Variants in FAM98A observed in about 807,000 individuals in gnomAD.
FAM98A encodes tRNA splicing ligase complex subunit 3A, also known as protein FAM98A.
In FAM98A, 25 loss-of-function variants were observed where a neutral mutation model predicts 62.9. The ratio of observed to expected loss-of-function variants is 0.40; its 90% CI spans 0.29 to 0.56. The LOEUF (loss-of-function observed/expected upper bound fraction) is 0.56, where lower values mean the gene tolerates loss of function less well. Ranked by LOEUF, FAM98A falls within the 20% of genes least tolerant of loss-of-function variation. The pLI is 0.51. For missense variants in FAM98A, 653 were observed against 640.7 expected (o/e 1.02, Z -0.21); for synonymous variants, 252 against 228.6 (o/e 1.10, Z -0.92).
chr2:33,586,192 A>G (rs893005871), intron 6 of FAM98A, among the ~76,000 whole-genome samples: 7 of 152,234 alleles, frequency 4.6e-5, no homozygotes, highest in African/African-American at 1.7e-4. Flanking sequence ...CCAATTGTCT[A>G]TAAATCATAC....
rs1156546734 is a variant in FAM98A at position 33,584,182 on chromosome 2, C to A, written c.*594G>T. The A allele has an allele frequency of 6.5e-6, 1 of 152,926 alleles. No individual in the cohort carries two copies. The highest frequency in any genetic ancestry group is 1.9e-4 in the East Asian group (1 of 5,196). 9.5% of individuals were successfully genotyped at this position (152,926 alleles called of 1,614,324 possible). On this transcript the variant is annotated 3_prime_UTR_variant, in exon 8 of 8. Coordinates refer to ENST00000238823, the MANE Select transcript of FAM98A (RefSeq NM_015475.5). ...GGTTTTCAGAGTTGAGCATATGATA[C>A]AGTATTCCATCAACAAAATAAGGCT...
At chr2:33,588,900 A>AT (rs71974313) in intron 3 of FAM98A, 73,800 of 150,708 alleles carry the variant, frequency 0.49, 18,486 homozygotes, top group Middle Eastern at 0.57. Context: ...ATGACAATTA[A>AT]TTTTTTTTTT....
In FAM98A at chr2:33,585,138, A is replaced by T. The variant is rs1371721016; in HGVS notation, c.1195T>A (p.Tyr399Asn). ...GGGGGYQDGG[Y>N]RDSGFQPGGY... ...CCTGGCTGGAAACCTGAATCTCGAT[A>T]ACCACCATCTTGGTAGCCACCTCCT... Residue 399 changes from tyrosine to asparagine, a missense_variant, in exon 8 of 8, where the codon TAT becomes AAT. By Grantham distance (143) the Tyr-to-Asn change is moderately radical. Transcript: ENST00000238823. The T allele has an allele frequency of 1.2e-6, 2 of 1,613,872 alleles. No individual in the cohort carries two copies. Among genetic ancestry groups the T allele is most frequent in the Non-Finnish European group, 1.7e-6 (2 of 1,179,990 alleles).
rs763004080 is a variant in FAM98A at position 33,585,024 on chromosome 2, A to G, written c.1309T>C (p.Tyr437His). The G allele has an allele frequency of 1.2e-6, 2 of 1,614,054 alleles. No homozygotes were observed. The highest frequency in any genetic ancestry group is 2.2e-5 in the East Asian group (1 of 44,870). Reference protein sequence around the residue: ...QTSSSYTGSGYQGGGYQQDNR... With the variant: ...QTSSSYTGSGHQGGGYQQDNR... ...TCCTGCTGGTAGCCACCACCCTGGT[A>G]TCCACTTCCTGTATATGAAGAAGAT... Residue 437 changes from tyrosine to histidine, a missense_variant, in exon 8 of 8, where the codon TAC becomes CAC. Tyr to His is a moderately conservative substitution (Grantham distance 83, BLOSUM62 2). Transcript: ENST00000238823.
At chr2:33,597,004 C>A in intron 1 of FAM98A, among the ~76,000 whole-genome samples, 1 of 150,304 alleles carries the variant, frequency 6.7e-6, no homozygotes, top group Admixed American at 6.6e-5. Context: ...GTATATGCAA[C>A]AAAATGAAAA....
chr2:33,592,526 T>C (rs913545163), intron 2 of FAM98A, among the ~76,000 whole-genome samples: 1 of 152,148 alleles, frequency 6.6e-6, no homozygotes, highest in African/African-American at 2.4e-5. Flanking sequence ...CTACCATGCC[T>C]GGCTAATATT....
In FAM98A at chr2:33,599,201, C is replaced by G. The variant is rs1295519041; in HGVS notation, c.21G>C (p.Glu7Asp). ...CTTCCAACGACTCCAAGATGTCAGT[C>G]TCCATGAGGTCACACTCCATGCTAC... The part of the protein sequence containing the change: MECDLM[E>D]TDILESLEDL... The change falls in exon 1 of 8, where the codon GAG becomes GAC. Residue 7 changes from glutamate (E) to aspartate (D), a missense_variant. Transcript: ENST00000238823. 1 of 1,614,070 alleles carries G rather than the reference C, an allele frequency of 6.2e-7. No individual in the cohort carries two copies. The highest frequency in any genetic ancestry group is 2.2e-5 in the East Asian group (1 of 44,872).
intron 4 of FAM98A, 166 bp from the exon 5 acceptor site, chr2:33,587,486 C>G: frequency 4.9e-6 from 3 of 612,722 alleles, no homozygotes; most frequent in East Asian, 2.8e-5. Context: ...AAGACACTCA[C>G]TGGTCCCACT....
rs2151145434 is a variant in FAM98A at position 33,591,673 on chromosome 2, T to C, written c.337+407A>G. 1.3e-5 allele frequency among the ~76,000 whole-genome samples: 2 copies of C among 152,322 alleles called. 1 individual carries two copies. The highest frequency in any genetic ancestry group is 2.9e-5 in the Non-Finnish European group (2 of 68,022). ...CATTAACTGTATCTACTATTATAAA[T>C]GCTTACTCTCCTCAAAGAAATGAAT... On this transcript the variant is annotated intron_variant, in intron 3 of 7. Transcript: ENST00000238823.
chr2:33,593,201 C>T (rs567109869), intron 2 of FAM98A, among the ~76,000 whole-genome samples: 47 of 152,194 alleles, frequency 3.1e-4, no homozygotes, highest in African/African-American at 1.1e-3. Context: ...TTCAGGAGTT[C>T]GAGACCAGCC....
intron 1 of FAM98A, among the ~76,000 whole-genome samples, chr2:33,596,977 G>C (rs1207725358): frequency 6.6e-6 from 1 of 150,752 alleles, no homozygotes; most frequent in Non-Finnish European, 1.5e-5. Flanking sequence ...TTTAAAATAT[G>C]ATTATAGGTT....
At chr2:33,596,852 A>T (rs1476253359) in intron 1 of FAM98A, among the ~76,000 whole-genome samples, 1 of 146,608 alleles carries the variant, frequency 6.8e-6, no homozygotes, top group African/African-American at 2.6e-5. Context: ...AGATCGCACT[A>T]CTGCACTCCA....
At chr2:33,586,484 G>A (rs987764336) in intron 6 of FAM98A, 78 bp downstream of exon 6, 3 of 931,886 alleles carry the variant, frequency 3.2e-6, no homozygotes, top group Non-Finnish European at 5.1e-6. Flanking sequence ...TCCCATAGTT[G>A]CCAAGTAGCT....
chr2:33,595,742 G>A (rs1381859388), intron 1 of FAM98A, 105 bp from the exon 2 acceptor site: 1 of 761,274 alleles, frequency 1.3e-6, no homozygotes, highest in Non-Finnish European at 2.0e-6. Flanking sequence ...ATTTAATAAA[G>A]ATAAGTTAGT....
In FAM98A at chr2:33,584,847, G is replaced by A. The variant is rs1572414494; in HGVS notation, c.1486C>T (p.Gln496Ter). 1 of 1,614,088 alleles carries A rather than the reference G, an allele frequency of 6.2e-7. No individual in the cohort carries two copies. The highest frequency in any genetic ancestry group is 2.2e-5 in the East Asian group (1 of 44,886). ...TGATAACCTCCATGCTGGAAATGCTGTTCAAATTGACCCCCTTGGTGATAA... is the reference window on the plus strand; with the variant it reads ...TGATAACCTCCATGCTGGAAATGCTATTCAAATTGACCCCCTTGGTGATAA... ...QNYHQGGQFE[Q>*]HFQHGGYQYN... Residue 496 changes from glutamine (Q) to a stop codon, truncating the protein, a stop_gained, in exon 8 of 8, where the codon CAG becomes TAG. Transcript: ENST00000238823. LOFTEE classifies it high-confidence loss of function.
chr2:33,586,301 T>TC (rs1319261212), intron 6 of FAM98A, among the ~76,000 whole-genome samples: 85 of 152,334 alleles, frequency 5.6e-4, no homozygotes, highest in African/African-American at 2.0e-3. Context: ...TCAGAATAAC[T>TC]CCATTTCTCT....
intron 2 of FAM98A, among the ~76,000 whole-genome samples, chr2:33,592,642 T>C (rs1025631192): frequency 2.0e-5 from 3 of 152,226 alleles, no homozygotes; most frequent in African/African-American, 7.2e-5. Context: ...AGTGCTGGGA[T>C]TACTACAGGC....
chr2:33,595,917 C>A (rs1677802512), intron 1 of FAM98A, among the ~76,000 whole-genome samples: 1 of 152,098 alleles, frequency 6.6e-6, no homozygotes, highest in East Asian at 1.9e-4. Context: ...TGTACATTTA[C>A]TAAAAGCTTC....
chr2:33,594,620 T>C (rs536696439), intron 2 of FAM98A, among the ~76,000 whole-genome samples: 1 of 69,828 alleles, frequency 1.4e-5, no homozygotes, highest in South Asian at 4.4e-4. Context: ...CACATATATA[T>C]ATACACACAT....
Sources: gnomAD v4.1 joint callset for allele counts (sites outside exome capture counted in the v4.1 genomes callset) on GRCh38, gnomAD v4.1.1 for gene constraint, MANE v1.5 for transcripts, NCBI Gene and HGNC (gene_info 2026-07-23, HGNC 2026-07-21) for gene names.